NCAM2: variants seen among roughly 807,000 people sequenced by gnomAD.
NCAM2 encodes neural cell adhesion molecule 2.
A neutral mutation model predicts 98.1 loss-of-function variants in NCAM2; 30 were observed. That is an observed-to-expected ratio of 0.31 (90% CI 0.23 to 0.41). The LOEUF (loss-of-function observed/expected upper bound fraction) is 0.41. NCAM2 is among the 10% of genes least tolerant of loss of function. The pLI is 1.00. For missense variants in NCAM2, 867 were observed against 1,005.8 expected, an observed-to-expected ratio of 0.86 and a Z score of 1.87; for synonymous variants, 368 against 342.4, an observed-to-expected ratio of 1.07 and a Z score of -0.83.
At chr21:21,035,682 A>T (rs574757184) in intron 1 of NCAM2, among the ~76,000 whole-genome samples, 14 of 152,254 alleles carry the variant, frequency 9.2e-5, no homozygotes, top group African/African-American at 3.4e-4. Flanking sequence ...ATGATCTCAA[A>T]CTTGTCAGAA....
chr21:21,339,073 A>C (rs1023422666), intron 8 of NCAM2, among the ~76,000 whole-genome samples: 2 of 152,172 alleles, frequency 1.3e-5, no homozygotes, highest in African/African-American at 4.8e-5. Flanking sequence ...AATTAATTTA[A>C]TGTATTTTCT....
chr21:21,250,433 CAG>C lies in NCAM2; in HGVS notation c.56-30142_56-30141del, dbSNP rs202089056. Among the ~76,000 whole-genome samples the C allele has an allele frequency of 2.8e-3, 432 of 152,194 alleles. 3 individuals carry two copies. The highest frequency in any genetic ancestry group is 9.9e-3 in the African/African-American group (413 of 41,524). ...ATTTACAAAGTTTGCATTTGATGGA[CAG>C]AGCATTTCGAGGAATGCATAAAAAT... is the stretch of plus-strand genomic sequence containing the variant. On this transcript the variant is annotated intron_variant, in intron 1 of 17. Transcript: ENST00000400546.
chr21:21,121,137 G>T (rs1156509095), intron 1 of NCAM2, among the ~76,000 whole-genome samples: 1 of 152,118 alleles, frequency 6.6e-6, no homozygotes, highest in Admixed American at 6.5e-5. Context: ...TATTTTTAGT[G>T]TTGCAGATTT....
intron 1 of NCAM2, among the ~76,000 whole-genome samples, chr21:21,086,763 G>A (rs919276270): frequency 6.6e-6 from 1 of 152,110 alleles, no homozygotes; most frequent in Non-Finnish European, 1.5e-5. Context: ...GTGTGTGGCA[G>A]GCCAAACTTG....
chr21:21,293,615 G>A (rs1290350872), intron 5 of NCAM2, among the ~76,000 whole-genome samples: 1 of 150,194 alleles, frequency 6.7e-6, no homozygotes, highest in Non-Finnish European at 1.5e-5. Context: ...AGTGCGGGAG[G>A]AAGATTTCAG....
At chr21:21,515,760 A>C (rs1037726092) in intron 16 of NCAM2, among the ~76,000 whole-genome samples, 1 of 152,186 alleles carries the variant, frequency 6.6e-6, no homozygotes, top group Non-Finnish European at 1.5e-5. Context: ...ATAAACAATG[A>C]CAGCTTAAAC....
intron 4 of NCAM2, among the ~76,000 whole-genome samples, 158 bp from the exon 5 acceptor site, chr21:21,291,946 T>A (rs1371879137): frequency 6.6e-6 from 1 of 151,572 alleles, no homozygotes; most frequent in Non-Finnish European, 1.5e-5. Context: ...AAAATTGAAG[T>A]CATGAAATTA....
chr21:21,242,484 C>T (rs902840377), intron 1 of NCAM2, among the ~76,000 whole-genome samples: 3 of 152,202 alleles, frequency 2.0e-5, no homozygotes, highest in African/African-American at 4.8e-5. Context: ...AACATCTCCT[C>T]GTTTCCCAAT....
rs76156422 is a variant in NCAM2 at position 21,189,579 on chromosome 21, A to T, written c.56-90999A>T. On this transcript the variant is annotated intron_variant, in intron 1 of 17. Coordinates refer to ENST00000400546, the MANE Select transcript of NCAM2 (RefSeq NM_004540.5). ...CGTCTCTATTTAAAAAATAAATAAAAAAAATAAATTCCAGACTTGATTTTA... is the reference window on the plus strand; with the variant it reads ...CGTCTCTATTTAAAAAATAAATAAATAAAATAAATTCCAGACTTGATTTTA... Among the ~76,000 whole-genome samples the T allele has an allele frequency of 1.2e-4, 18 of 152,312 alleles. No individual in the cohort carries two copies. In the East Asian group the frequency reaches 3.3e-3, roughly 28 times the overall value.
chr21:21,327,233 G>T (rs974771700), intron 6 of NCAM2, among the ~76,000 whole-genome samples: 1 of 150,696 alleles, frequency 6.6e-6, no homozygotes, highest in African/African-American at 2.5e-5. Flanking sequence ...GCTTGAACCC[G>T]GGAGACGGAG....
chr21:21,149,133 C>G (rs1437187914), intron 1 of NCAM2, among the ~76,000 whole-genome samples: 2 of 152,104 alleles, frequency 1.3e-5, no homozygotes, highest in Non-Finnish European at 2.9e-5. Context: ...TGTATAAAAT[C>G]TTGAAATAAG....
chr21:21,510,674 T>C (rs960639145), intron 16 of NCAM2, among the ~76,000 whole-genome samples: 3 of 152,110 alleles, frequency 2.0e-5, no homozygotes, highest in East Asian at 3.8e-4. Flanking sequence ...ATAATTCTTT[T>C]ATTTGAAAAG....
chr21:21,197,734 A>G (rs1033596950), intron 1 of NCAM2, among the ~76,000 whole-genome samples: 4 of 152,124 alleles, frequency 2.6e-5, no homozygotes, highest in Admixed American at 6.6e-5. Flanking sequence ...TTCCAACTCT[A>G]TGGCCAACGA....
chr21:21,074,902 G>T (rs184991819), intron 1 of NCAM2, among the ~76,000 whole-genome samples: 1 of 152,102 alleles, frequency 6.6e-6, no homozygotes, highest in Non-Finnish European at 1.5e-5. Context: ...GTTTATTACG[G>T]CACTATTCAC....
chr21:21,082,073 C>A (rs1157969804), intron 1 of NCAM2, among the ~76,000 whole-genome samples: 2 of 150,582 alleles, frequency 1.3e-5, no homozygotes, highest in African/African-American at 2.4e-5. Context: ...ACTAAAAATA[C>A]AAAAATTAGC....
chr21:21,019,130 A>T (rs1435143352), intron 1 of NCAM2, among the ~76,000 whole-genome samples: 1 of 152,194 alleles, frequency 6.6e-6, no homozygotes, highest in African/African-American at 2.4e-5. Flanking sequence ...CCTGTGAATA[A>T]ATTTGGATCC....
At chr21:21,145,227 A>C (rs967384835) in intron 1 of NCAM2, among the ~76,000 whole-genome samples, 5 of 152,232 alleles carry the variant, frequency 3.3e-5, no homozygotes, top group African/African-American at 1.2e-4. Flanking sequence ...AATATGAATT[A>C]CAAATTATTT....
intron 1 of NCAM2, among the ~76,000 whole-genome samples, chr21:21,015,791 C>T (rs1601096130): frequency 6.6e-6 from 1 of 152,160 alleles, no homozygotes; most frequent in Non-Finnish European, 1.5e-5. Flanking sequence ...GCAACCTCCG[C>T]CTCTCGCGTT....
At chr21:21,341,689 G>A (rs955248321) in intron 8 of NCAM2, among the ~76,000 whole-genome samples, 4 of 147,932 alleles carry the variant, frequency 2.7e-5, no homozygotes, top group African/African-American at 1.0e-4. Flanking sequence ...CAGAGAGGAG[G>A]GTCTCAATTA....
Sources: gnomAD v4.1 joint callset for allele counts (sites outside exome capture counted in the v4.1 genomes callset) on GRCh38, gnomAD v4.1.1 for gene constraint, MANE v1.5 for transcripts, NCBI Gene and HGNC (gene_info 2026-07-23, HGNC 2026-07-21) for gene names.